Variants in BTBD9 observed in about 807,000 individuals in gnomAD.
BTBD9 encodes the protein BTB/POZ domain-containing protein 9.
A neutral mutation model predicts 64.3 loss-of-function variants in BTBD9; 49 were observed. The ratio of observed to expected loss-of-function variants is 0.76; its 90% CI spans 0.61 to 0.97. BTBD9 has a LOEUF of 0.97. Ranked by LOEUF, BTBD9 falls within the 50% of genes least tolerant of loss-of-function variation. The probability of loss-of-function intolerance (pLI) is 0.00; values close to 1 mark genes in which losing one functional copy is unlikely to be tolerated. For synonymous variants in BTBD9, 260 were observed against 274.7 expected, an observed-to-expected ratio of 0.95 and a Z score of 0.53; for missense variants, 598 against 762.1, an observed-to-expected ratio of 0.78 and a Z score of 2.53.
chr6:38,296,129 T>C (rs1382107004), intron 7 of BTBD9, among the ~76,000 whole-genome samples: 1 of 152,366 alleles, frequency 6.6e-6, no homozygotes, highest in East Asian at 1.9e-4. Context: ...TTTACCATGC[T>C]GTCTTAATTA....
intron 7 of BTBD9, among the ~76,000 whole-genome samples, chr6:38,327,646 G>T (rs989099210): frequency 6.6e-6 from 1 of 152,112 alleles, no homozygotes; most frequent in South Asian, 2.1e-4. Context: ...GTAGACACTC[G>T]TGAAACCATC....
intron 9 of BTBD9, among the ~76,000 whole-genome samples, chr6:38,196,496 C>T (rs1374260077): frequency 2.0e-5 from 3 of 152,178 alleles, no homozygotes; most frequent in Non-Finnish European, 4.4e-5. Flanking sequence ...CAATGATTAC[C>T]ACAGAGGTTC....
At chr6:38,372,165 T>C (rs575873795) in intron 6 of BTBD9, among the ~76,000 whole-genome samples, 7 of 152,298 alleles carry the variant, frequency 4.6e-5, no homozygotes, top group African/African-American at 1.7e-4. Context: ...CTTTGGGCCT[T>C]GAATGAGAGA....
chr6:38,408,193 A>C (rs9380747), intron 6 of BTBD9, among the ~76,000 whole-genome samples: 57,924 of 151,804 alleles, frequency 0.38, 13,484 homozygotes, highest in East Asian at 0.85. Flanking sequence ...CCCCATCTCA[A>C]AAGAAAATAG....
intron 9 of BTBD9, among the ~76,000 whole-genome samples, chr6:38,213,664 A>C (rs574118778): frequency 2.8e-4 from 43 of 152,312 alleles, no homozygotes; most frequent in African/African-American, 1.0e-3. Flanking sequence ...GTTTCTGTCA[A>C]TAAAAAAGTT....
At chr6:38,548,447 G>C (rs921178021) in intron 6 of BTBD9, among the ~76,000 whole-genome samples, 1 of 151,994 alleles carries the variant, frequency 6.6e-6, no homozygotes, top group African/African-American at 2.4e-5. Context: ...TTTTTTTGTA[G>C]AGCTTTCTTT....
chr6:38,307,812 G>A (rs1263329823), intron 7 of BTBD9, among the ~76,000 whole-genome samples: 1 of 152,164 alleles, frequency 6.6e-6, no homozygotes, highest in African/African-American at 2.4e-5. Flanking sequence ...AACTTCAGAT[G>A]TGTTCCCCTC....
intron 6 of BTBD9, chr6:38,402,808 C>A (rs1262068821): frequency 1.3e-5 from 9 of 700,500 alleles, no homozygotes; most frequent in Non-Finnish European, 2.3e-5. Flanking sequence ...TGGCTCATGC[C>A]TATAATACCT....
chr6:38,526,309 A>T (rs1773488293), intron 6 of BTBD9, among the ~76,000 whole-genome samples: 1 of 152,254 alleles, frequency 6.6e-6, no homozygotes, highest in South Asian at 2.1e-4. Context: ...GTGGGTGCAC[A>T]GAGGGCAAGA....
At chr6:38,570,711 A>T (rs1378958529) in intron 6 of BTBD9, among the ~76,000 whole-genome samples, 1 of 152,224 alleles carries the variant, frequency 6.6e-6, no homozygotes, top group Admixed American at 6.5e-5. Context: ...TGGACTACAG[A>T]AGCCCACATT....
chr6:38,338,828 A>G (rs987635990), intron 7 of BTBD9, among the ~76,000 whole-genome samples: 1 of 152,216 alleles, frequency 6.6e-6, no homozygotes, highest in African/African-American at 2.4e-5. Context: ...TAAAAAAGAA[A>G]AAAGGGAATG....
intron 7 of BTBD9, among the ~76,000 whole-genome samples, chr6:38,333,629 C>T (rs978591008): frequency 1.3e-5 from 2 of 152,152 alleles, no homozygotes; most frequent in African/African-American, 4.8e-5. Context: ...CTCCTGCTGG[C>T]CATGTAAATA....
At chr6:38,188,401 A>AG (rs1171836898) in intron 10 of BTBD9, among the ~76,000 whole-genome samples, 1 of 151,676 alleles carries the variant, frequency 6.6e-6, no homozygotes, top group Non-Finnish European at 1.5e-5. Context: ...GCGCTTCCCC[A>AG]CCAGTCCCTG....
At chr6:38,180,263 C>T (rs879333982) in intron 10 of BTBD9, among the ~76,000 whole-genome samples, 4 of 152,204 alleles carry the variant, frequency 2.6e-5, no homozygotes, top group African/African-American at 4.8e-5. Flanking sequence ...GCAAGCCTGT[C>T]GTGGGGAAAC....
chr6:38,397,109 C>T (rs1428033752), intron 6 of BTBD9, among the ~76,000 whole-genome samples: 1 of 151,926 alleles, frequency 6.6e-6, no homozygotes, highest in Non-Finnish European at 1.5e-5. Context: ...GCCATGTTGG[C>T]CAGGCTGGTC....
chr6:38,485,730 AG>A (rs1771365532), intron 6 of BTBD9, among the ~76,000 whole-genome samples: 2 of 152,166 alleles, frequency 1.3e-5, no homozygotes, highest in Non-Finnish European at 2.9e-5. Context: ...CATAACTCTT[AG>A]GGCCCTAGGA....
intron 6 of BTBD9, among the ~76,000 whole-genome samples, chr6:38,355,342 A>G (rs937809590): frequency 6.6e-5 from 10 of 152,132 alleles, no homozygotes; most frequent in African/African-American, 1.2e-4. Flanking sequence ...TTGAAGTTCA[A>G]TTTTGAAGCC....
rs1366657453 is a variant in BTBD9 at position 38,536,992 on chromosome 6, G to GA, written c.1154+40607dup. 2.0e-5 allele frequency among the ~76,000 whole-genome samples: 3 copies of GA among 152,050 alleles called. No homozygotes were observed. In the East Asian group the frequency reaches 5.8e-4, roughly 29 times the overall value. Reference sequence around the variant, plus strand: ...GTATCACTGGATTGTTTGTAACACAGAAAAAAGAACAAATACTTGAGATGA... The same window carrying GA: ...GTATCACTGGATTGTTTGTAACACAGAAAAAAAGAACAAATACTTGAGATGA... On this transcript the variant is annotated intron_variant, in intron 6 of 10. Coordinates refer to ENST00000481247, the MANE Select transcript of BTBD9 (RefSeq NM_001099272.2).
chr6:38,634,868 T>C (rs989276610), intron 1 of BTBD9, among the ~76,000 whole-genome samples: 9 of 152,278 alleles, frequency 5.9e-5, no homozygotes, highest in African/African-American at 1.9e-4. Flanking sequence ...CTCTACGAAA[T>C]TGGAAATCAG....
Sources: allele counts gnomAD v4.1 joint callset (sites outside exome capture counted in the v4.1 genomes callset), GRCh38; gene constraint gnomAD v4.1.1; transcripts MANE v1.5; gene names NCBI Gene and HGNC (gene_info 2026-07-23, HGNC 2026-07-21).